Variants in ADGRL2 observed in about 807,000 individuals in gnomAD.
ADGRL2 encodes calcium-independent alpha-latrotoxin receptor 2.
A neutral mutation model predicts 157.4 loss-of-function variants in ADGRL2; 44 were observed. That is an observed-to-expected ratio of 0.28 (90% CI 0.22 to 0.36). The LOEUF is 0.36. ADGRL2 is among the 10% of genes least tolerant of loss of function. The pLI is 1.00. For missense variants in ADGRL2, 1,510 were observed against 1,768.9 expected (o/e 0.85, Z 2.63); for synonymous variants, 585 against 624.7 (o/e 0.94, Z 0.95).
At chr1:81,499,490 A>G (rs1557736965) in intron 2 of ADGRL2, among the ~76,000 whole-genome samples, 2 of 152,220 alleles carry the variant, frequency 1.3e-5, no homozygotes, top group Non-Finnish European at 1.5e-5. Context: ...TTATCACAAA[A>G]CATTGAACCA....
At chr1:81,703,672 A>C (rs1368242829) in intron 1 of ADGRL2, among the ~76,000 whole-genome samples, 2 of 152,210 alleles carry the variant, frequency 1.3e-5, no homozygotes, top group African/African-American at 4.8e-5. Context: ...AAAACAATTT[A>C]CAATGAAAAT....
At chr1:81,941,655 A>G (rs775277333) in intron 4 of ADGRL2, among the ~76,000 whole-genome samples, 12 of 151,864 alleles carry the variant, frequency 7.9e-5, no homozygotes, top group Non-Finnish European at 1.2e-4. Flanking sequence ...TTATGTCTAT[A>G]GCATACATAT....
intron 2 of ADGRL2, among the ~76,000 whole-genome samples, chr1:81,573,214 T>C (rs538065576): frequency 1.1e-4 from 17 of 152,180 alleles, no homozygotes; most frequent in African/African-American, 4.1e-4. Flanking sequence ...CTTGGCTAAT[T>C]ATGTGACAGA....
At chr1:81,877,792 G>T (rs943310331) in intron 2 of ADGRL2, among the ~76,000 whole-genome samples, 10 of 151,990 alleles carry the variant, frequency 6.6e-5, no homozygotes, top group Non-Finnish European at 1.0e-4. Context: ...TTTATAGGTG[G>T]TTATATGGAT....
At chr1:81,940,705 G>A (rs551077326) in intron 4 of ADGRL2, among the ~76,000 whole-genome samples, 7 of 139,742 alleles carry the variant, frequency 5.0e-5, no homozygotes, top group African/African-American at 1.9e-4. Flanking sequence ...CTCTGTCTGA[G>A]TACATTTTGG....
chr1:81,665,055 G>A (rs2082727185), intron 3 of ADGRL2, among the ~76,000 whole-genome samples: 1 of 152,078 alleles, frequency 6.6e-6, no homozygotes, highest in Admixed American at 6.5e-5. Flanking sequence ...TAAATACTAG[G>A]TGGGTCAGAC....
At chr1:81,501,688 C>T (rs1194405077) in intron 2 of ADGRL2, 4 of 1,576,984 alleles carry the variant, frequency 2.5e-6, no homozygotes, top group Non-Finnish European at 3.5e-6. Flanking sequence ...GAGTGCCCCG[C>T]ACAGGTTTAG....
chr1:81,532,404 A>C (rs900429081), intron 2 of ADGRL2, among the ~76,000 whole-genome samples: 9 of 152,016 alleles, frequency 5.9e-5, no homozygotes, highest in African/African-American at 2.2e-4. Context: ...CAGAACATAC[A>C]TTTTCTTTTT....
intron 1 of ADGRL2, among the ~76,000 whole-genome samples, chr1:81,730,652 G>A (rs1012684304): frequency 3.3e-5 from 5 of 151,974 alleles, no homozygotes; most frequent in Admixed American, 2.6e-4. Flanking sequence ...GAACCTGGGA[G>A]GCAGAAGCTG....
intron 2 of ADGRL2, among the ~76,000 whole-genome samples, chr1:81,459,440 G>C (rs1459999523): frequency 6.6e-6 from 1 of 152,054 alleles, no homozygotes; most frequent in African/African-American, 2.4e-5. Context: ...TCTGTAATTG[G>C]CTTATTTCAC....
At chr1:81,764,008 A>C (rs1036111794) in intron 2 of ADGRL2, among the ~76,000 whole-genome samples, 3 of 151,922 alleles carry the variant, frequency 2.0e-5, no homozygotes, top group Admixed American at 6.6e-5. Context: ...TGTATCAAAA[A>C]AACAACAACA....
intron 1 of ADGRL2, among the ~76,000 whole-genome samples, chr1:81,707,427 A>G (rs1037978033): frequency 1.3e-5 from 2 of 152,184 alleles, no homozygotes; most frequent in Non-Finnish European, 2.9e-5. Context: ...GCCTGCCCAT[A>G]GGAAAAGGCC....
intron 2 of ADGRL2, among the ~76,000 whole-genome samples, chr1:81,891,276 A>G (rs1450032485): frequency 2.0e-5 from 3 of 151,388 alleles, no homozygotes; most frequent in Non-Finnish European, 4.4e-5. Context: ...CATTTTGTCA[A>G]TATAGTTTTA....
upstream of ADGRL2, among the ~76,000 whole-genome samples, chr1:81,694,974 A>C (rs1462024498): frequency 1.3e-5 from 2 of 152,164 alleles, no homozygotes; most frequent in Non-Finnish European, 2.9e-5. Flanking sequence ...ATTTTTATTG[A>C]TACATATATT....
Position 81,739,688 on chromosome 1 carries a change from C to T in ADGRL2, c.-142-22123C>T, listed in dbSNP as rs564090000. Among the ~76,000 whole-genome samples the T allele has an allele frequency of 7.2e-5, 11 of 152,246 alleles. No individual in the cohort carries two copies. The East Asian group carries it at 7.7e-4, about 11-fold the overall frequency. ...GATACCTGCCTCAGCAGAGGCCTTA[C>T]GAAAATCAAAGTTAGACTCAGTCTA... On this transcript the variant is annotated intron_variant, in intron 1 of 20. Coordinates refer to the ADGRL2 transcript ENST00000359929.
At chr1:81,431,050 A>G (rs2077310790) in intron 1 of ADGRL2, among the ~76,000 whole-genome samples, 2 of 152,334 alleles carry the variant, frequency 1.3e-5, no homozygotes, top group African/African-American at 4.8e-5. Flanking sequence ...GCATGTCAGC[A>G]GAACAGGTAC....
intron 3 of ADGRL2, among the ~76,000 whole-genome samples, chr1:81,581,911 C>CA (rs1484016001): frequency 6.7e-6 from 1 of 150,310 alleles, no homozygotes; most frequent in Non-Finnish European, 1.5e-5. Context: ...CACACACACA[C>CA]CCCTGCCTCA....
chr1:81,460,233 A>T (rs1347171923), intron 2 of ADGRL2, among the ~76,000 whole-genome samples: 1 of 151,460 alleles, frequency 6.6e-6, no homozygotes, highest in Non-Finnish European at 1.5e-5. Flanking sequence ...TATTTTTGTC[A>T]TGTAAATTTT....
intron 1 of ADGRL2, among the ~76,000 whole-genome samples, chr1:81,718,342 A>G (rs768791494): frequency 2.0e-5 from 3 of 152,156 alleles, no homozygotes; most frequent in African/African-American, 7.2e-5. Context: ...ATATTTTCTT[A>G]AGGAAACATA....
Sources: gnomAD v4.1 joint callset for allele counts (sites outside exome capture counted in the v4.1 genomes callset) on GRCh38, gnomAD v4.1.1 for gene constraint, MANE v1.5 for transcripts, NCBI Gene and HGNC (gene_info 2026-07-23, HGNC 2026-07-21) for gene names.